The following FNDC3B variants were observed in gnomAD, a reference collection of about 807,000 sequenced individuals.
FNDC3B encodes fibronectin type III domain containing 3B.
In FNDC3B, 12 loss-of-function variants were observed where a neutral mutation model predicts 151.5. That is an observed-to-expected ratio of 0.08 (90% CI 0.05 to 0.13). The LOEUF (loss-of-function observed/expected upper bound fraction) is 0.13, where lower values mean the gene tolerates loss of function less well. Among genes scored for constraint, FNDC3B ranks in the 10% least tolerant of loss-of-function variants. The pLI is 1.00. For missense variants in FNDC3B, 1,214 were observed against 1,505.3 expected (o/e 0.81, Z 3.20); for synonymous variants, 528 against 549.0 (o/e 0.96, Z 0.54).
chr3:172,165,685 A>T (rs890755417), intron 3 of FNDC3B, among the ~76,000 whole-genome samples: 5 of 152,170 alleles, frequency 3.3e-5, no homozygotes, highest in African/African-American at 1.2e-4. Flanking sequence ...AGGTCAATAA[A>T]TTTTTCTTCT....
chr3:172,132,868 A>T (rs2108572636), intron 2 of FNDC3B, among the ~76,000 whole-genome samples: 1 of 152,340 alleles, frequency 6.6e-6, no homozygotes, highest in African/African-American at 2.4e-5. Flanking sequence ...AAGTTGTCTA[A>T]TATTAAATAT....
chr3:172,099,436 C>T (rs1039041038), intron 1 of FNDC3B, among the ~76,000 whole-genome samples: 1 of 152,020 alleles, frequency 6.6e-6, no homozygotes, highest in African/African-American at 2.4e-5. Context: ...ATGATTCTTC[C>T]TTAAGAATGG....
chr3:172,228,438 T>C (rs934605456), intron 4 of FNDC3B, among the ~76,000 whole-genome samples: 144 of 152,354 alleles, frequency 9.5e-4, no homozygotes, highest in Non-Finnish European at 3.8e-4. Flanking sequence ...CAGTTAAAAA[T>C]TGAACATTTC....
chr3:172,317,761 G>A (rs561313412), intron 11 of FNDC3B, among the ~76,000 whole-genome samples: 37 of 152,326 alleles, frequency 2.4e-4, no homozygotes, highest in East Asian at 3.9e-4. Flanking sequence ...GAACAATCAT[G>A]TATAAGGAAT....
intron 10 of FNDC3B, among the ~76,000 whole-genome samples, chr3:172,309,679 T>C (rs1185230472): frequency 1.3e-5 from 2 of 152,146 alleles, no homozygotes; most frequent in Non-Finnish European, 2.9e-5. Context: ...TCATTATTAA[T>C]TTAACTACCA....
rs751013707 is a variant in FNDC3B, at chr3:172,112,610, A to G, written c.111+20A>G. The G allele has an allele frequency of 1.3e-6, 2 of 1,496,724 alleles. No individual in the cohort carries two copies. Among genetic ancestry groups the G allele is most frequent in the Non-Finnish European group, 1.9e-6 (2 of 1,072,930 alleles). 92.7% of individuals were successfully genotyped at this position (1,496,724 alleles called of 1,614,324 possible). On this transcript the variant is annotated intron_variant, in intron 2 of 25. Transcript: ENST00000415807. ...CAGCAGGTTGGTGTAGGAAGAGGGAAATTTAAGTCAAATTGTCTAAGTGGG... is the reference window on the plus strand; with the variant it reads ...CAGCAGGTTGGTGTAGGAAGAGGGAGATTTAAGTCAAATTGTCTAAGTGGG...
chr3:172,264,121 G>T (rs182892212), intron 6 of FNDC3B, among the ~76,000 whole-genome samples: 69 of 152,188 alleles, frequency 4.5e-4, no homozygotes, highest in African/African-American at 1.6e-3. Context: ...TGAGCAGCTG[G>T]AACTACAGAC....
chr3:172,069,575 G>C (rs776529758), intron 1 of FNDC3B, among the ~76,000 whole-genome samples: 2 of 152,112 alleles, frequency 1.3e-5, no homozygotes, highest in Non-Finnish European at 2.9e-5. Flanking sequence ...CGTGCCTTTA[G>C]TCTTACTGGT....
In FNDC3B at chr3:172,355,106, T is replaced by G. The variant is rs537742222; in HGVS notation, c.2795+2023T>G. ...AATTACAATACTACTTTTAAAGGCATTCCTTTAAGTTTATAATTGAGTTAG... is the reference window on the plus strand; with the variant it reads ...AATTACAATACTACTTTTAAAGGCAGTCCTTTAAGTTTATAATTGAGTTAG... On this transcript the variant is annotated intron_variant, in intron 22 of 25. Coordinates refer to ENST00000415807, the MANE Select transcript of FNDC3B (RefSeq NM_022763.4). 1.1e-4 allele frequency among the ~76,000 whole-genome samples: 16 copies of G among 152,324 alleles called. No individual in the cohort carries two copies. In the East Asian group the frequency reaches 2.7e-3, roughly 26 times the overall value.
chr3:172,289,524 C>G (rs1279968760), intron 7 of FNDC3B, among the ~76,000 whole-genome samples: 1 of 152,214 alleles, frequency 6.6e-6, no homozygotes, highest in Non-Finnish European at 1.5e-5. Context: ...TCCACTGTTT[C>G]TTTCCAGCCC....
At chr3:172,387,426 A>G (rs2108384062) in intron 25 of FNDC3B, among the ~76,000 whole-genome samples, 1 of 152,190 alleles carries the variant, frequency 6.6e-6, no homozygotes, top group Admixed American at 6.5e-5. Context: ...AATGACTTTC[A>G]ACTCATTTCC....
chr3:172,106,261 G>C (rs764423960), intron 1 of FNDC3B, among the ~76,000 whole-genome samples: 7 of 152,096 alleles, frequency 4.6e-5, no homozygotes, highest in African/African-American at 1.7e-4. Context: ...TCAGCCTTCT[G>C]AGTAGCTGGG....
rs140042814 is a variant in FNDC3B at position 172,196,130 on chromosome 3, T to A, written c.188-30741T>A. Among the ~76,000 whole-genome samples the A allele has an allele frequency of 7.4e-4, 112 of 152,354 alleles. 1 individual carries two copies. The highest frequency in any genetic ancestry group is 2.6e-3 in the African/African-American group (109 of 41,580). On this transcript the variant is annotated intron_variant, in intron 3 of 25. Transcript: ENST00000415807. ...AAGCCACCCACACTAAAGCTTTTAA[T>A]TGCTGGGAAGATTTTTCAGATTTTT...
At chr3:172,273,238 C>T (rs1729286654) in intron 6 of FNDC3B, among the ~76,000 whole-genome samples, 1 of 152,118 alleles carries the variant, frequency 6.6e-6, no homozygotes, top group Non-Finnish European at 1.5e-5. Flanking sequence ...TAAATTTGAA[C>T]AATGAAGACT....
At chr3:172,254,707 C>T (rs1184260836) in intron 6 of FNDC3B, among the ~76,000 whole-genome samples, 2 of 152,116 alleles carry the variant, frequency 1.3e-5, no homozygotes, top group East Asian at 3.9e-4. Context: ...TTTACTGTTA[C>T]CTTCAGGAAA....
intron 3 of FNDC3B, among the ~76,000 whole-genome samples, chr3:172,151,682 T>C (rs1233360967): frequency 6.6e-6 from 1 of 152,248 alleles, no homozygotes; most frequent in East Asian, 1.9e-4. Flanking sequence ...TGTATATTTA[T>C]TTAAAACCTG....
intron 6 of FNDC3B, among the ~76,000 whole-genome samples, chr3:172,274,576 G>A (rs1176640211): frequency 6.6e-6 from 1 of 152,148 alleles, no homozygotes; most frequent in East Asian, 1.9e-4. Flanking sequence ...TATCTAATAT[G>A]TATTTGCATA....
intron 3 of FNDC3B, among the ~76,000 whole-genome samples, chr3:172,192,155 T>G (rs1019571025): frequency 6.8e-6 from 1 of 146,338 alleles, no homozygotes; most frequent in African/African-American, 2.6e-5. Context: ...CAGAAGACTG[T>G]TTTTTTTGTG....
In FNDC3B at chr3:172,068,454, C is replaced by T. The variant is rs1251704509; in HGVS notation, c.-29+28683C>T. ...TTTTTTTTTTTTTGAGATGGGGTCT[C>T]ACTCTGTCTCCCAGGCTGGAGTGCA... On this transcript the variant is annotated intron_variant, in intron 1 of 25. Transcript: ENST00000415807. 2.3e-5 allele frequency among the ~76,000 whole-genome samples: 3 copies of T among 129,930 alleles called. No individual in the cohort carries two copies. The East Asian group carries it at 7.3e-4, about 32-fold the overall frequency. 85.2% of individuals were successfully genotyped at this position (129,930 alleles called of 152,430 possible).
Sources: gnomAD v4.1 joint callset for allele counts (sites outside exome capture counted in the v4.1 genomes callset) on GRCh38, gnomAD v4.1.1 for gene constraint, MANE v1.5 for transcripts, NCBI Gene and HGNC (gene_info 2026-07-23, HGNC 2026-07-21) for gene names.